USP12: variants seen among roughly 807,000 people sequenced by gnomAD.
USP12 encodes the protein ubiquitin specific peptidase 12.
USP12 carries 19 observed loss-of-function variants against 45.5 expected under a neutral mutation model. The ratio of observed to expected loss-of-function variants is 0.42; its 90% CI spans 0.29 to 0.61. The LOEUF is 0.61. Ranked by LOEUF, USP12 falls within the 20% of genes least tolerant of loss-of-function variation. USP12 has a pLI of 0.22. For synonymous variants in USP12, 149 were observed against 148.8 expected, an observed-to-expected ratio of 1.00 and a Z score of -0.01; for missense variants, 242 against 447.7, an observed-to-expected ratio of 0.54 and a Z score of 4.15.
At chr13:27,116,721 G>A (rs780586929) in intron 1 of USP12, 125 bp from the exon 2 acceptor site, 62 of 753,170 alleles carry the variant, frequency 8.2e-5, no homozygotes, top group Non-Finnish European at 1.1e-4. Flanking sequence ...CCCTACACAG[G>A]TGCGTCTTTA....
intron 1 of USP12, among the ~76,000 whole-genome samples, chr13:27,139,563 C>T (rs956386002): frequency 3.3e-5 from 5 of 152,126 alleles, no homozygotes; most frequent in African/African-American, 1.2e-4. Flanking sequence ...CTGCAGTGAG[C>T]CGAGATCGCG....
chr13:27,140,063 T>C (rs138171080), intron 1 of USP12, among the ~76,000 whole-genome samples: 2 of 152,242 alleles, frequency 1.3e-5, no homozygotes, highest in African/African-American at 4.8e-5. Context: ...AAAATTACAC[T>C]ATGCAACATA....
intron 2 of USP12, among the ~76,000 whole-genome samples, chr13:27,116,233 AC>A (rs1293055987): frequency 1.3e-5 from 2 of 149,698 alleles, no homozygotes; most frequent in African/African-American, 2.5e-5. Flanking sequence ...AATGGCGTGA[AC>A]CCGGGAGGCA....
chr13:27,147,067 G>C (rs765373965), intron 1 of USP12, among the ~76,000 whole-genome samples: 5 of 152,178 alleles, frequency 3.3e-5, no homozygotes, highest in Non-Finnish European at 7.4e-5. Flanking sequence ...GTCCTGGTGA[G>C]ATGCTGATTT....
At chr13:27,138,533 C>T (rs976650864) in intron 1 of USP12, among the ~76,000 whole-genome samples, 1 of 152,142 alleles carries the variant, frequency 6.6e-6, no homozygotes. Context: ...TCTTAGGAAA[C>T]CTGTGACCAC....
chr13:27,098,979 A>ATTTAC (rs1386025800), intron 3 of USP12, among the ~76,000 whole-genome samples: 1 of 152,160 alleles, frequency 6.6e-6, no homozygotes, highest in Non-Finnish European at 1.5e-5. Flanking sequence ...CATGTCTGTA[A>ATTTAC]TCCCAGCACT....
intron 2 of USP12, among the ~76,000 whole-genome samples, chr13:27,112,998 CTGAGGCAGGAGGATCGCT>C (rs1189861836): frequency 1.3e-5 from 2 of 152,188 alleles, no homozygotes; most frequent in African/African-American, 4.8e-5. Context: ...CTTTGGGAGG[CTGAGGCAGGAGGATCGCT>C]TGAGACCAGG....
intron 1 of USP12, among the ~76,000 whole-genome samples, chr13:27,134,859 TAC>T (rs1228115561): frequency 2.0e-5 from 3 of 152,192 alleles, no homozygotes; most frequent in Admixed American, 6.5e-5. Flanking sequence ...TCCCAAGCCA[TAC>T]TCACTGACAC....
Position 27,109,457 on chromosome 13 carries a change from G to A in USP12, c.130-3513C>T, listed in dbSNP as rs569051126. On this transcript the variant is annotated intron_variant, in intron 2 of 8. Coordinates refer to ENST00000282344, the MANE Select transcript of USP12 (RefSeq NM_182488.4). ...TGAAAGAGACAATACCACAAAGAAGGAAAAGGCCAAGTTTGAAATGGGAAT... is the reference window on the plus strand; with the variant it reads ...TGAAAGAGACAATACCACAAAGAAGAAAAAGGCCAAGTTTGAAATGGGAAT... 3.9e-5 allele frequency among the ~76,000 whole-genome samples: 6 copies of A among 152,262 alleles called. No individual in the cohort carries two copies. In the South Asian group the frequency reaches 1.2e-3, roughly 32 times the overall value.
At position 27,152,968 on chromosome 13, in the gene USP12, G is replaced by C. The variant is rs149451338; in HGVS notation, c.48+18624C>G. Among the ~76,000 whole-genome samples the C allele has an allele frequency of 8.1e-3, 1,167 of 143,284 alleles. 4 individuals carry two copies. The highest frequency in any genetic ancestry group is 0.014 in the Non-Finnish European group (925 of 65,448). 94.0% of individuals were successfully genotyped at this position (143,284 alleles called of 152,430 possible). ...AAAAAAAAAAAAAAAAAGAAAGAAA[G>C]AAAAGAAAATAGAATATGTATGTCA... On this transcript the variant is annotated intron_variant, in intron 1 of 8. Transcript: ENST00000282344.
At chr13:27,115,494 A>G (rs564625290) in intron 2 of USP12, among the ~76,000 whole-genome samples, 15 of 152,290 alleles carry the variant, frequency 9.8e-5, no homozygotes, top group African/African-American at 3.6e-4. Context: ...AGAGTCCACC[A>G]ATCTGTTCAA....
At chr13:27,119,946 C>T (rs1330466353) in intron 1 of USP12, among the ~76,000 whole-genome samples, 1 of 152,250 alleles carries the variant, frequency 6.6e-6, no homozygotes, top group East Asian at 1.9e-4. Flanking sequence ...TTTTCCTTAA[C>T]AGAAATGATC....
intron 7 of USP12, among the ~76,000 whole-genome samples, chr13:27,073,116 G>A (rs1202226104): frequency 1.3e-5 from 2 of 152,088 alleles, no homozygotes; most frequent in African/African-American, 4.8e-5. Flanking sequence ...CATGGAGACT[G>A]AGGCTGGGCA....
intron 6 of USP12, among the ~76,000 whole-genome samples, chr13:27,081,950 C>T (rs1232591257): frequency 1.3e-5 from 2 of 152,206 alleles, no homozygotes; most frequent in African/African-American, 4.8e-5. Flanking sequence ...GGTGTGCTGT[C>T]ATCCAGGCTT....
In USP12 at chr13:27,075,324, G is replaced by A; in HGVS notation, c.799C>T (p.Gln267Ter). 6.2e-7 allele frequency: 1 copy of A among 1,614,072 alleles called. No homozygotes were observed. The highest frequency in any genetic ancestry group is 8.5e-7 in the Non-Finnish European group (1 of 1,179,994). The change falls in exon 7 of 9, where the codon CAA becomes TAA. Residue 267 changes from glutamine to a stop codon, truncating the protein, a stop_gained. Transcript: ENST00000282344. LOFTEE classifies it high-confidence loss of function. ...GAGAGTTTTGTATATCGATGAAGTT[G>A]ATCCATATATTTAAATCTCTTCAGG... ...LHLKRFKYMD[Q>*]LHRYTKLSYR...
intron 6 of USP12, among the ~76,000 whole-genome samples, chr13:27,081,720 C>A (rs1873768089): frequency 6.6e-6 from 1 of 152,136 alleles, no homozygotes; most frequent in Non-Finnish European, 1.5e-5. Context: ...TAAATAATAA[C>A]AATTGAAAGT....
At chr13:27,166,501 T>A (rs1215913798) in intron 1 of USP12, among the ~76,000 whole-genome samples, 2 of 152,168 alleles carry the variant, frequency 1.3e-5, no homozygotes, top group African/African-American at 2.4e-5. Flanking sequence ...TGTGACATCA[T>A]CTCGCTGCAA....
chr13:27,075,696 G>A (rs66849824), intron 6 of USP12, among the ~76,000 whole-genome samples: 11,133 of 152,098 alleles, frequency 0.073, 479 homozygotes, highest in Middle Eastern at 0.092. Context: ...TCAAACACAC[G>A]TCTCTTATAA....
In USP12 at chr13:27,153,956, G is replaced by A. The variant is rs573614844; in HGVS notation, c.48+17636C>T. On this transcript the variant is annotated intron_variant, in intron 1 of 8. Transcript: ENST00000282344. Reference sequence around the variant, plus strand: ...GGTATCAAATCTAATTATGGCAGTCGTTTAATAACTGCAAAACAAAAATAT... The same window carrying A: ...GGTATCAAATCTAATTATGGCAGTCATTTAATAACTGCAAAACAAAAATAT... 7.2e-5 allele frequency among the ~76,000 whole-genome samples: 11 copies of A among 152,240 alleles called. No individual in the cohort carries two copies. The South Asian group carries it at 1.9e-3, about 26-fold the overall frequency.
Sources: gnomAD v4.1 joint callset for allele counts (sites outside exome capture counted in the v4.1 genomes callset) on GRCh38, gnomAD v4.1.1 for gene constraint, MANE v1.5 for transcripts, NCBI Gene and HGNC (gene_info 2026-07-23, HGNC 2026-07-21) for gene names.